The following CNTLN variants were observed in gnomAD, a reference collection of about 807,000 sequenced individuals.
CNTLN encodes the protein centlein, also known as centlein, centrosomal protein.
CNTLN carries 212 observed loss-of-function variants against 180.0 expected under a neutral mutation model. The ratio of observed to expected loss-of-function variants is 1.18; its 90% confidence interval spans 1.05 to 1.32. CNTLN has a LOEUF of 1.32. CNTLN is among the 40% of genes most tolerant of loss of function. The probability of loss-of-function intolerance (pLI) is 0.00; values close to 1 mark genes in which losing one functional copy is unlikely to be tolerated. For synonymous variants in CNTLN, 722 were observed against 563.1 expected, an observed-to-expected ratio of 1.28 and a Z score of -3.99; for missense variants, 2,095 against 1,610.9, an observed-to-expected ratio of 1.30 and a Z score of -5.14.
At chr9:17,215,470 G>C (rs570937739) in intron 2 of CNTLN, among the ~76,000 whole-genome samples, 2 of 146,020 alleles carry the variant, frequency 1.4e-5, no homozygotes, top group East Asian at 3.8e-4. Flanking sequence ...CTACTAGGGG[G>C]TGCCTCCCAG....
intron 14 of CNTLN, among the ~76,000 whole-genome samples, chr9:17,391,248 G>C (rs902633812): frequency 2.0e-5 from 3 of 152,110 alleles, no homozygotes; most frequent in Admixed American, 6.6e-5. Context: ...CTTCCTCCCT[G>C]GGTATAGGAC....
intron 18 of CNTLN, among the ~76,000 whole-genome samples, chr9:17,438,859 C>T (rs754332736): frequency 6.6e-6 from 1 of 152,086 alleles, no homozygotes; most frequent in Non-Finnish European, 1.5e-5. Flanking sequence ...GCTCTAGGCC[C>T]TCCAATATTC....
At chr9:17,263,230 C>T (rs1458262139) in intron 5 of CNTLN, among the ~76,000 whole-genome samples, 2 of 122,552 alleles carry the variant, frequency 1.6e-5, no homozygotes, top group African/African-American at 6.5e-5. Flanking sequence ...GTGTGATGTT[C>T]CCCTTCCTGT....
chr9:17,505,595 G>T (rs1422188001), downstream of CNTLN, among the ~76,000 whole-genome samples: 2 of 152,088 alleles, frequency 1.3e-5, no homozygotes, highest in Non-Finnish European at 2.9e-5. Context: ...CATAGTACTT[G>T]TGTATGAAAA....
At chr9:17,291,294 T>C (rs1452521953) in intron 6 of CNTLN, among the ~76,000 whole-genome samples, 1 of 152,062 alleles carries the variant, frequency 6.6e-6, no homozygotes, top group Non-Finnish European at 1.5e-5. Flanking sequence ...TGTTTTTGGG[T>C]GGAGAGTTCT....
intron 18 of CNTLN, among the ~76,000 whole-genome samples, chr9:17,441,670 G>C (rs1200496431): frequency 6.6e-6 from 1 of 150,724 alleles, no homozygotes; most frequent in East Asian, 1.9e-4. Flanking sequence ...CTATAAGACA[G>C]AAAACAAGGT....
chr9:17,168,995 TAG>T (rs1820262062), intron 2 of CNTLN, among the ~76,000 whole-genome samples: 1 of 152,118 alleles, frequency 6.6e-6, no homozygotes. Context: ...TGAATAGATT[TAG>T]AGTCTTTTTA....
chr9:17,140,916 C>G (rs1818045132), intron 1 of CNTLN, among the ~76,000 whole-genome samples: 1 of 151,994 alleles, frequency 6.6e-6, no homozygotes, highest in Non-Finnish European at 1.5e-5. Context: ...GAAGGCTTTT[C>G]TAACTGGTAC....
intron 18 of CNTLN, among the ~76,000 whole-genome samples, chr9:17,425,620 A>G (rs574113829): frequency 3.8e-4 from 58 of 152,284 alleles, no homozygotes; most frequent in Non-Finnish European, 6.2e-4. Flanking sequence ...TAGCTAGAAG[A>G]TTTTTGAGGT....
At chr9:17,512,434 C>T in the CNTLN span, among the ~76,000 whole-genome samples, 1 of 152,256 alleles carries the variant, frequency 6.6e-6, no homozygotes, top group South Asian at 2.1e-4. Context: ...AGTCACATAC[C>T]ACATGTTCTC....
chr9:17,292,603 C>T (rs943809767), intron 6 of CNTLN, among the ~76,000 whole-genome samples: 1 of 152,016 alleles, frequency 6.6e-6, no homozygotes, highest in Non-Finnish European at 1.5e-5. Flanking sequence ...GCTGTTGATA[C>T]TTATGGTTGC....
chr9:17,199,095 G>A (rs1822334586), intron 2 of CNTLN, among the ~76,000 whole-genome samples: 1 of 151,738 alleles, frequency 6.6e-6, no homozygotes, highest in African/African-American at 2.4e-5. Context: ...GATCTATGAG[G>A]AATTGCCACA....
chr9:17,435,893 C>G (rs1829745650), intron 18 of CNTLN, among the ~76,000 whole-genome samples: 1 of 152,036 alleles, frequency 6.6e-6, no homozygotes, highest in South Asian at 2.1e-4. Flanking sequence ...GGCACACTTC[C>G]CATCTGACCT....
rs780646853 is a variant in CNTLN, at chr9:17,236,418, G to A, written c.679G>A (p.Glu227Lys). Residue 227 changes from glutamate (E) to lysine (K), a missense_variant, in exon 5 of 26, where the codon GAG (glutamate) becomes AAG (lysine). Glu to Lys is a moderately conservative substitution (Grantham distance 56, BLOSUM62 1). Coordinates refer to ENST00000380647, the MANE Select transcript of CNTLN (RefSeq NM_017738.4). ...TGGTACTGTTCTACAGGACACTAAG[G>A]AGTGTGTACAGAACAAAGAAGAGCA... The part of the protein sequence containing the change: ...DKSQEIKDTK[E>K]CVQNKEEQNR... 5 of 1,605,874 alleles carry A rather than the reference G, an allele frequency of 3.1e-6. No homozygotes were observed. Among genetic ancestry groups the A allele is most frequent in the African/African-American group, 2.7e-5 (2 of 74,182 alleles).
chr9:17,144,826 T>A (rs192937301), intron 2 of CNTLN, among the ~76,000 whole-genome samples: 1 of 150,624 alleles, frequency 6.6e-6, no homozygotes, highest in Non-Finnish European at 1.5e-5. Context: ...TATTTTATTT[T>A]ATTTTTTTTA....
At chr9:17,135,861 A>C (rs1294196310) in intron 1 of CNTLN, among the ~76,000 whole-genome samples, 1 of 152,196 alleles carries the variant, frequency 6.6e-6, no homozygotes, top group Admixed American at 6.5e-5. Context: ...TGTTTTTAAA[A>C]TTTCAAACCC....
chr9:17,380,219 G>T (rs994934224), intron 13 of CNTLN, among the ~76,000 whole-genome samples: 1 of 152,182 alleles, frequency 6.6e-6, no homozygotes, highest in Non-Finnish European at 1.5e-5. Context: ...TTCTTGCCAT[G>T]TGATAGACCT....
chr9:17,363,555 T>A (rs952843262), intron 12 of CNTLN, among the ~76,000 whole-genome samples: 1 of 151,626 alleles, frequency 6.6e-6, no homozygotes, highest in Non-Finnish European at 1.5e-5. Flanking sequence ...ATTTATTTTT[T>A]ATTCTTTAAA....
the CNTLN span, among the ~76,000 whole-genome samples, chr9:17,517,044 A>G: frequency 6.9e-6 from 1 of 145,440 alleles, no homozygotes; most frequent in African/African-American, 2.8e-5. Flanking sequence ...CTTGAGTTGA[A>G]TCCTGTCCCC....
Sources: allele counts gnomAD v4.1 joint callset (sites outside exome capture counted in the v4.1 genomes callset), GRCh38; gene constraint gnomAD v4.1.1; transcripts MANE v1.5; gene names NCBI Gene and HGNC (gene_info 2026-07-23, HGNC 2026-07-21).